Variants in PRELID2 observed in about 807,000 individuals in gnomAD.
PRELID2 encodes PRELI domain containing 2.
PRELID2 carries 25 observed loss-of-function variants against 28.4 expected under a neutral mutation model. The ratio of observed to expected loss-of-function variants is 0.88; its 90% CI spans 0.64 to 1.23. The LOEUF (loss-of-function observed/expected upper bound fraction) is 1.23, where lower values mean the gene tolerates loss of function less well. PRELID2 is among the 50% of genes most tolerant of loss of function. The pLI, the probability that PRELID2 is intolerant of heterozygous loss-of-function variation, is 0.00. For synonymous variants in PRELID2, 76 were observed against 71.6 expected (o/e 1.06, Z -0.31); for missense variants, 201 against 214.4 (o/e 0.94, Z 0.39).
At chr5:145,435,526 G>T in the PRELID2 span, among the ~76,000 whole-genome samples, 10 of 152,278 alleles carry the variant, frequency 6.6e-5, no homozygotes, top group East Asian at 1.9e-3. Context: ...CATGCTTTAA[G>T]CATTGTGTGA....
intron 4 of PRELID2, among the ~76,000 whole-genome samples, chr5:145,817,445 A>ATATATATATATC (rs1406037109): frequency 7.4e-6 from 1 of 135,158 alleles, no homozygotes; most frequent in African/African-American, 2.7e-5. Flanking sequence ...ATATATATAT[A>ATATATATATATC]TATCACATGG....
rs188875631 is a variant in PRELID2 at position 145,727,170 on chromosome 5, A to G, written n.70+37761T>C. Among the ~76,000 whole-genome samples, 275 of 152,304 alleles carry G rather than the reference A, an allele frequency of 1.8e-3. 1 individual carries two copies. Among genetic ancestry groups the G allele is most frequent in the Non-Finnish European group, 2.5e-3 (173 of 68,028 alleles). Reference sequence around the variant, plus strand: ...TTACAGTTGTGATGGTTTAGCATTTATATGGCCAATTCCAAGACACAATCA... The same window carrying G: ...TTACAGTTGTGATGGTTTAGCATTTGTATGGCCAATTCCAAGACACAATCA... On this transcript the variant is annotated intron_variant and non_coding_transcript_variant, in intron 1 of 2. Coordinates refer to the PRELID2 transcript ENST00000510259.
intron 1 of PRELID2, among the ~76,000 whole-genome samples, chr5:145,596,196 G>T (rs1753304190): frequency 6.6e-6 from 1 of 150,396 alleles, no homozygotes; most frequent in Non-Finnish European, 1.5e-5. Context: ...GAAGGAGGGA[G>T]AACTTATGTT....
intron 1 of PRELID2, among the ~76,000 whole-genome samples, chr5:145,708,305 A>G (rs1480884471): frequency 6.7e-6 from 1 of 150,018 alleles, no homozygotes; most frequent in Non-Finnish European, 1.5e-5. Flanking sequence ...TGAATCAAGA[A>G]AAAAAAAAAG....
chr5:145,825,997 C>A, intron 1 of PRELID2: 1 of 984,668 alleles, frequency 1.0e-6, no homozygotes. Flanking sequence ...GGAACACTTA[C>A]CTGGGAAGAC....
chr5:145,283,121 T>C, the PRELID2 span, among the ~76,000 whole-genome samples: 1 of 152,150 alleles, frequency 6.6e-6, no homozygotes, highest in South Asian at 2.1e-4. Context: ...GAATCAGCAT[T>C]AAGGGGCTGC....
chr5:145,515,940 AT>A, intron 1 of PRELID2, among the ~76,000 whole-genome samples: 1 of 152,270 alleles, frequency 6.6e-6, no homozygotes, highest in African/African-American at 2.4e-5. Flanking sequence ...AAATTCAACA[AT>A]TCTTTATGCT....
At chr5:145,761,797 T>G (rs189800128) in intron 6 of PRELID2, among the ~76,000 whole-genome samples, 24 of 152,326 alleles carry the variant, frequency 1.6e-4, no homozygotes, top group Admixed American at 1.4e-3. Context: ...TACTTTATTA[T>G]AGCTATAGAG....
At chr5:145,749,427 C>A (rs1757073924) in intron 1 of PRELID2, among the ~76,000 whole-genome samples, 1 of 152,160 alleles carries the variant, frequency 6.6e-6, no homozygotes, top group Non-Finnish European at 1.5e-5. Flanking sequence ...CCATCTCACA[C>A]CAGTCAGAAT....
At chr5:145,309,043 A>G in the PRELID2 span, among the ~76,000 whole-genome samples, 1 of 152,158 alleles carries the variant, frequency 6.6e-6, no homozygotes, top group South Asian at 2.1e-4. Flanking sequence ...CTGGATCATT[A>G]AAAATTATTC....
the PRELID2 span, among the ~76,000 whole-genome samples, chr5:145,453,246 T>C: frequency 6.6e-6 from 1 of 152,144 alleles, no homozygotes; most frequent in Admixed American, 6.5e-5. Context: ...CCTCAAGAGA[T>C]TCATGGCATA....
At chr5:145,703,886 T>C (rs1037590326) in intron 1 of PRELID2, 3 of 152,186 alleles carry the variant, frequency 2.0e-5, no homozygotes, top group African/African-American at 7.2e-5. Flanking sequence ...ACAAGACTCA[T>C]TTTACTCATG....
At chr5:145,613,464 G>A (rs905327660) in intron 1 of PRELID2, among the ~76,000 whole-genome samples, 4 of 110,048 alleles carry the variant, frequency 3.6e-5, no homozygotes, top group African/African-American at 1.1e-4. Context: ...CCCACAACAG[G>A]CCCCGCTATG....
chr5:145,508,738 C>T (rs2126639357), intron 1 of PRELID2, among the ~76,000 whole-genome samples: 1 of 152,130 alleles, frequency 6.6e-6, no homozygotes, highest in East Asian at 1.9e-4. Context: ...GTTTACATCT[C>T]AAGAGTTCTC....
At chr5:145,824,634 G>A (rs1167763968) in intron 1 of PRELID2, among the ~76,000 whole-genome samples, 1 of 151,998 alleles carries the variant, frequency 6.6e-6, no homozygotes. Context: ...GTAATGCCTG[G>A]CACATAAAAA....
At chr5:145,268,407 CA>C in the PRELID2 span, among the ~76,000 whole-genome samples, 1 of 152,146 alleles carries the variant, frequency 6.6e-6, no homozygotes, top group Non-Finnish European at 1.5e-5. Context: ...GTCCTTTCCT[CA>C]CTGTGTGTTT....
chr5:145,357,403 A>T, the PRELID2 span, among the ~76,000 whole-genome samples: 1 of 152,152 alleles, frequency 6.6e-6, no homozygotes, highest in Non-Finnish European at 1.5e-5. Flanking sequence ...TTCTTTACAT[A>T]ATCCCATATT....
intron 1 of PRELID2, among the ~76,000 whole-genome samples, chr5:145,661,555 A>G (rs1377773953): frequency 1.3e-5 from 2 of 151,006 alleles, no homozygotes; most frequent in Non-Finnish European, 3.0e-5. Flanking sequence ...CTGTCACTGT[A>G]TGATTCAGTG....
At chr5:145,799,150 A>C (rs1752962235) in intron 4 of PRELID2, among the ~76,000 whole-genome samples, 1 of 151,276 alleles carries the variant, frequency 6.6e-6, no homozygotes, top group Non-Finnish European at 1.5e-5. Context: ...AAGCTCCTAT[A>C]AGATTTTCAG....
Sources: allele counts gnomAD v4.1 joint callset (sites outside exome capture counted in the v4.1 genomes callset), GRCh38; gene constraint gnomAD v4.1.1; transcripts MANE v1.5; gene names NCBI Gene and HGNC (gene_info 2026-07-23, HGNC 2026-07-21).